GUCY1A2: variants seen among roughly 807,000 people sequenced by gnomAD.
GUCY1A2 encodes the protein guanylate cyclase soluble subunit alpha-2.
A neutral mutation model predicts 63.5 loss-of-function variants in GUCY1A2; 27 were observed. That is an observed-to-expected ratio of 0.43 (90% CI 0.31 to 0.59). The LOEUF is 0.59. Ranked by LOEUF, GUCY1A2 falls within the 20% of genes least tolerant of loss-of-function variation. The pLI is 0.11. For synonymous variants in GUCY1A2, 364 were observed against 343.5 expected, an observed-to-expected ratio of 1.06 and a Z score of -0.66; for missense variants, 768 against 913.3, an observed-to-expected ratio of 0.84 and a Z score of 2.05.
rs566118231 is a variant in GUCY1A2 at position 106,986,155 on chromosome 11, A to G, written c.304-24T>C. ...GGCTACAGAATAATAATAATAATAAAAACATATTATCAGCAAATCAGTACC... is the reference window on the plus strand; with the variant it reads ...GGCTACAGAATAATAATAATAATAAGAACATATTATCAGCAAATCAGTACC... On this transcript the variant is annotated intron_variant, in intron 1 of 7. Coordinates refer to ENST00000526355, the MANE Select transcript of GUCY1A2 (RefSeq NM_000855.3). The G allele has an allele frequency of 1.0e-4, 121 of 1,193,754 alleles. 1 individual carries two copies. In the South Asian group the frequency reaches 1.4e-3, roughly 14 times the overall value. The allele number at this position is 1,193,754 out of a possible 1,614,324, so 73.9% of individuals were successfully genotyped here. A position where few individuals can be genotyped will look rare whatever the true frequency, so the allele number is the denominator to read the frequency against.
intron 5 of GUCY1A2, among the ~76,000 whole-genome samples, chr11:106,802,745 G>T (rs1031251650): frequency 6.6e-6 from 1 of 152,056 alleles, no homozygotes; most frequent in African/African-American, 2.4e-5. Flanking sequence ...TCCTCAAAGA[G>T]GAAAGAAAGC....
chr11:106,982,557 G>C (rs1264407192), intron 2 of GUCY1A2, among the ~76,000 whole-genome samples: 1 of 152,156 alleles, frequency 6.6e-6, no homozygotes, highest in Non-Finnish European at 1.5e-5. Flanking sequence ...TTTCCACAAA[G>C]TCAACCTGAC....
chr11:106,787,608 A>AGGGAGGGGGG, intron 5 of GUCY1A2, among the ~76,000 whole-genome samples: 1 of 22,532 alleles, frequency 4.4e-5, no homozygotes, highest in East Asian at 1.6e-3. Context: ...GGAAAAAGAG[A>AGGGAGGGGGG]AAGAGAGAAC....
intron 6 of GUCY1A2, among the ~76,000 whole-genome samples, chr11:106,763,331 C>T (rs1188070488): frequency 6.6e-6 from 1 of 151,490 alleles, no homozygotes; most frequent in African/African-American, 2.4e-5. Flanking sequence ...TGAGGGGTCC[C>T]GAGAGTGGGG....
chr11:106,713,121 C>T (rs1823882574), intron 6 of GUCY1A2, among the ~76,000 whole-genome samples: 1 of 152,154 alleles, frequency 6.6e-6, no homozygotes, highest in African/African-American at 2.4e-5. Context: ...GGATGCCTCT[C>T]AAGGCATTTA....
chr11:106,995,660 G>T (rs1348926375), intron 1 of GUCY1A2, among the ~76,000 whole-genome samples: 1 of 152,210 alleles, frequency 6.6e-6, no homozygotes, highest in African/African-American at 2.4e-5. Flanking sequence ...ACAAATATGT[G>T]TTATGTGATG....
At chr11:106,853,117 G>C (rs1472885070) in intron 4 of GUCY1A2, among the ~76,000 whole-genome samples, 2 of 152,132 alleles carry the variant, frequency 1.3e-5, no homozygotes, top group African/African-American at 2.4e-5. Flanking sequence ...CACCAGAAAA[G>C]ATCTTTTTAG....
At chr11:106,985,376 A>G (rs1215560923) in intron 2 of GUCY1A2, among the ~76,000 whole-genome samples, 1 of 152,254 alleles carries the variant, frequency 6.6e-6, no homozygotes, top group Non-Finnish European at 1.5e-5. Flanking sequence ...GCCACAGCCA[A>G]TTAGAGGTGT....
At chr11:106,967,203 G>C (rs187758418) in intron 3 of GUCY1A2, among the ~76,000 whole-genome samples, 2 of 152,156 alleles carry the variant, frequency 1.3e-5, no homozygotes, top group East Asian at 3.9e-4. Context: ...TATCTTCTTC[G>C]CAAAGATCCT....
At chr11:106,830,249 G>A (rs1859032112) in intron 4 of GUCY1A2, among the ~76,000 whole-genome samples, 1 of 152,096 alleles carries the variant, frequency 6.6e-6, no homozygotes, top group South Asian at 2.1e-4. Flanking sequence ...GTTGTACAAA[G>A]GATAGTTGTA....
intron 6 of GUCY1A2, among the ~76,000 whole-genome samples, chr11:106,754,115 C>A (rs977748414): frequency 1.7e-4 from 26 of 152,120 alleles, no homozygotes; most frequent in African/African-American, 5.8e-4. Context: ...CTCTTTGCAG[C>A]AATTGTGAAT....
At chr11:106,894,076 T>A (rs1860012011) in intron 4 of GUCY1A2, among the ~76,000 whole-genome samples, 1 of 152,166 alleles carries the variant, frequency 6.6e-6, no homozygotes, top group Admixed American at 6.5e-5. Flanking sequence ...CCTACTAGGA[T>A]TTTATCAGAG....
chr11:106,680,113 T>C lies in GUCY1A2; in HGVS notation c.*7436A>G, dbSNP rs1488453072. 2 of 215,308 alleles carry C rather than the reference T, an allele frequency of 9.3e-6. No individual in the cohort carries two copies. The highest frequency in any genetic ancestry group is 1.9e-5 in the Non-Finnish European group (2 of 106,856). The allele number at this position is 215,308 out of a possible 1,614,324, so 13.3% of individuals were successfully genotyped here. ...GAATAAAAAACTAACTCTCTTTGCT[T>C]CATCTCTTCTAAAGCTCCTGCCCAC... On this transcript the variant is annotated 3_prime_UTR_variant, in exon 8 of 8. Transcript: ENST00000526355.
chr11:106,966,518 A>G (rs941781737), intron 3 of GUCY1A2, among the ~76,000 whole-genome samples: 1 of 152,184 alleles, frequency 6.6e-6, no homozygotes, highest in African/African-American at 2.4e-5. Flanking sequence ...CTCCCTGATG[A>G]TCACCAGTAC....
chr11:106,692,232 C>T (rs1366501861), intron 7 of GUCY1A2, among the ~76,000 whole-genome samples: 2 of 152,112 alleles, frequency 1.3e-5, no homozygotes, highest in African/African-American at 4.8e-5. Flanking sequence ...AATTAATCCC[C>T]AGCTGTAATC....
At position 106,939,611 on chromosome 11, in the gene GUCY1A2, C is replaced by T. The variant is rs1158659122; in HGVS notation, c.1055G>A (p.Cys352Tyr). The change falls in exon 4 of 8, where the codon TGT becomes TAT. Residue 352 changes from cysteine (C) to tyrosine (Y), a missense_variant. By Grantham distance (194) the Cys-to-Tyr change is radical (BLOSUM62 -2). Around this residue, in one of 3 missense-constraint regions of GUCY1A2, gnomAD observed 496 missense variants for 486.9 expected, o/e 1.02. Coordinates refer to ENST00000526355, the MANE Select transcript of GUCY1A2 (RefSeq NM_000855.3). ...AAACTTGAGCACTTTGTGAGTGTCA[C>T]ATCGAAGCTGCTTCCTTAGACCTTC... ...LGEGLRKQLR[C>Y]DTHKVLKFED... 1.9e-6 allele frequency: 3 copies of T among 1,613,950 alleles called. No homozygotes were observed. In the South Asian group the frequency reaches 3.3e-5, roughly 18 times the overall value.
intron 4 of GUCY1A2, among the ~76,000 whole-genome samples, chr11:106,908,093 T>G (rs957691188): frequency 1.3e-5 from 2 of 152,006 alleles, no homozygotes; most frequent in Non-Finnish European, 2.9e-5. Flanking sequence ...CCAAATGTAG[T>G]AAAAATAATT....
intron 4 of GUCY1A2, among the ~76,000 whole-genome samples, chr11:106,857,098 G>C (rs1356626116): frequency 2.0e-5 from 3 of 152,168 alleles, no homozygotes; most frequent in Non-Finnish European, 4.4e-5. Context: ...ATAACCTTGA[G>C]AATAAATTTA....
In GUCY1A2 at chr11:106,940,161, T is replaced by A; in HGVS notation, c.505A>T (p.Ile169Phe). Reference sequence around the variant, plus strand: ...AACTCTTCACCAAATCTTTTTTGAATTTCCTCAAACTTCAAACCTAGAGGT... The same window carrying A: ...AACTCTTCACCAAATCTTTTTTGAAATTCCTCAAACTTCAAACCTAGAGGT... ...ANILGLKFEE[I>F]QKRFGEEFFN... is the part of the protein sequence containing the mutation. The change falls in exon 4 of 8, where the codon ATT (isoleucine) becomes TTT (phenylalanine). Residue 169 changes from isoleucine to phenylalanine, a missense_variant. Physicochemically the swap from Ile to Phe is conservative, Grantham distance 21. Around this residue, in one of 3 missense-constraint regions of GUCY1A2, gnomAD observed 496 missense variants for 486.9 expected, o/e 1.02. Transcript: ENST00000526355. The A allele has an allele frequency of 6.4e-7, 1 of 1,571,656 alleles. No individual in the cohort carries two copies. Among genetic ancestry groups the A allele is most frequent in the Non-Finnish European group, 8.7e-7 (1 of 1,147,092 alleles).
Sources: allele counts gnomAD v4.1 joint callset (sites outside exome capture counted in the v4.1 genomes callset), GRCh38; gene constraint gnomAD v4.1.1; regional missense constraint gnomAD v4.1.1; transcripts MANE v1.5; gene names NCBI Gene and HGNC (gene_info 2026-07-23, HGNC 2026-07-21).